Variants in SEC24C observed in about 807,000 individuals in gnomAD.
SEC24C encodes the protein SEC24 homolog C, COPII component.
Under a neutral mutation model 117.0 loss-of-function variants are expected in SEC24C, and 22 were observed. The ratio of observed to expected loss-of-function variants is 0.19; its 90% CI spans 0.13 to 0.27. The LOEUF (loss-of-function observed/expected upper bound fraction) is 0.27, where lower values mean the gene tolerates loss of function less well. Among genes scored for constraint, SEC24C ranks in the 10% least tolerant of loss-of-function variants. The pLI is 1.00. For missense variants in SEC24C, 1,155 were observed against 1,375.1 expected (o/e 0.84, Z 2.53); for synonymous variants, 506 against 529.4 (o/e 0.96, Z 0.61).
Position 73,746,845 on chromosome 10 carries a change from C to G in SEC24C, c.13C>G (p.Gln5Glu), listed in dbSNP as rs2082561137. 1 of 1,606,764 alleles carries G rather than the reference C, an allele frequency of 6.2e-7. No homozygotes were observed. Among genetic ancestry groups the G allele is most frequent in the Non-Finnish European group, 8.5e-7 (1 of 1,176,326 alleles). MNVN[Q>E]SVPPVPPFGQ... Reference sequence around the variant, plus strand: ...GAATGCTTTCATAATGAACGTCAACCAGTCAGTTCCACCTGTGCCACCATT... The same window carrying G: ...GAATGCTTTCATAATGAACGTCAACGAGTCAGTTCCACCTGTGCCACCATT... The change falls in exon 2 of 23, where the codon CAG becomes GAG. Residue 5 changes from glutamine to glutamate, a missense_variant. Physicochemically the swap from Gln to Glu is conservative, Grantham distance 29 (BLOSUM62 2). Around this residue, in one of 2 missense-constraint regions of SEC24C, gnomAD observed 396 missense variants for 382.8 expected, o/e 1.03. Transcript: ENST00000345254.
chr10:73,754,881 C>G (rs1317203085), intron 3 of SEC24C, among the ~76,000 whole-genome samples: 3 of 152,152 alleles, frequency 2.0e-5, no homozygotes, highest in African/African-American at 7.2e-5. Flanking sequence ...CTCCTGTAAT[C>G]CCAGCACTTT....
intron 15 of SEC24C, 121 bp downstream of exon 15, chr10:73,768,128 A>G (rs971401374): frequency 2.2e-6 from 2 of 906,456 alleles, no homozygotes; most frequent in Non-Finnish European, 3.2e-6. Context: ...TCACACCTGT[A>G]ATCCTAGCAC....
chr10:73,760,989 G>A, intron 6 of SEC24C, 140 bp downstream of exon 6: 1 of 1,034,854 alleles, frequency 9.7e-7, no homozygotes, highest in Non-Finnish European at 1.4e-6. Flanking sequence ...CATATAATTT[G>A]ATTCTGAACT....
At chr10:73,759,579 G>T (rs773676630) in intron 3 of SEC24C, 43 bp from the exon 4 acceptor site, 8 of 1,454,396 alleles carry the variant, frequency 5.5e-6, no homozygotes, top group Non-Finnish European at 6.4e-6. Flanking sequence ...TTCAAAGGGT[G>T]TCCTGGCCCC....
chr10:73,767,676 A>C (rs966290555), intron 14 of SEC24C, among the ~76,000 whole-genome samples, 161 bp from the exon 15 acceptor site: 1 of 152,222 alleles, frequency 6.6e-6, no homozygotes, highest in African/African-American at 2.4e-5. Context: ...TCAAAAAAAT[A>C]AAAATAATAT....
In SEC24C at chr10:73,769,403, G is replaced by A. The variant is rs2082938352; in HGVS notation, c.2481G>A (p.Leu827=). The A allele has an allele frequency of 1.2e-6, 2 of 1,614,136 alleles. No homozygotes were observed. ...AGCGTCGGCTCCGCATCCATAATCT[G>A]GCCCTGAACTGCTGCACCCAGCTGG... ...AGQRRLRIHN[L]ALNCCTQLAD... is the part of the protein sequence containing the mutation. Residue 827 remains leucine (L), a synonymous_variant, in exon 18 of 23, where the codon CTG becomes CTA. Transcript: ENST00000345254. This position sits in a 1 kb window ranked among gnomAD's most constrained non-coding sequence, Gnocchi z 4.5.
rs185501930 is a variant in SEC24C at position 73,770,049 on chromosome 10, C to T, written c.2862+34C>T. On this transcript the variant is annotated intron_variant, in intron 20 of 22. Transcript: ENST00000345254. ...GAGGGTTGGAGTATGAGATCTTGCA[C>T]GGAGCAAAGGGCCTCTTAGGAGGAG... 60 of 1,597,994 alleles carry T rather than the reference C, an allele frequency of 3.8e-5. No homozygotes were observed. The Admixed American group carries it at 4.3e-4, about 12-fold the overall frequency.
chr10:73,753,376 T>C (rs557898894), intron 3 of SEC24C, among the ~76,000 whole-genome samples: 3 of 152,182 alleles, frequency 2.0e-5, no homozygotes, highest in Non-Finnish European at 4.4e-5. Flanking sequence ...TTTTTAAAAA[T>C]AGTTTACACT....
At chr10:73,759,024 C>T (rs1310927281) in intron 3 of SEC24C, among the ~76,000 whole-genome samples, 3 of 152,120 alleles carry the variant, frequency 2.0e-5, no homozygotes, top group East Asian at 3.8e-4. Flanking sequence ...GGCGAGACTC[C>T]GTATCTATAA....
Position 73,771,023 on chromosome 10 carries a change from T to C in SEC24C, c.3213T>C (p.Ser1071=), listed in dbSNP as rs757292640. The part of the protein sequence containing the change: ...LFKHFLVEDK[S]LSGGASYVDF... ...AGCACTTCCTGGTGGAAGACAAGAGTCTGAGTGGGGGAGCATCTTATGTGG... is the reference window on the plus strand; with the variant it reads ...AGCACTTCCTGGTGGAAGACAAGAGCCTGAGTGGGGGAGCATCTTATGTGG... The change falls in exon 23 of 23, where the codon AGT becomes AGC. Residue 1071 remains serine (S), a synonymous_variant. Coordinates refer to ENST00000345254, the MANE Select transcript of SEC24C (RefSeq NM_198597.3). 1.9e-5 allele frequency: 30 copies of C among 1,613,682 alleles called. No individual in the cohort carries two copies. The highest frequency in any genetic ancestry group is 2.5e-5 in the Non-Finnish European group (29 of 1,179,976).
chr10:73,768,104 C>A, intron 15 of SEC24C, 97 bp downstream of exon 15: 1 of 1,203,312 alleles, frequency 8.3e-7, no homozygotes, highest in Non-Finnish European at 1.2e-6. Context: ...AGTGTTGGGG[C>A]CAGGCACGGT....
chr10:73,759,653 T>C lies in SEC24C; in HGVS notation c.340T>C (p.Leu114=), dbSNP rs778043687. Residue 114 remains leucine (L), a synonymous_variant, in exon 4 of 23, where the codon TTG becomes CTG. Transcript: ENST00000345254. ...TGGGTCTCAGCCATTTGGGTCCCCA[T>C]TGGCCCCTGTGGGCAACCAGCCACC... ...LPGSQPFGSP[L]APVGNQPPVL... is the part of the protein sequence containing the mutation. The C allele has an allele frequency of 1.3e-5, 20 of 1,566,316 alleles. No homozygotes were observed. In the South Asian group the frequency reaches 2.4e-4, roughly 19 times the overall value.
At chr10:73,768,062 A>T (rs2082913604) in intron 15 of SEC24C, 55 bp downstream of exon 15, 3 of 1,521,944 alleles carry the variant, frequency 2.0e-6, no homozygotes, top group Non-Finnish European at 2.7e-6. Flanking sequence ...ATATCTGCTT[A>T]TATATGCAGT....
chr10:73,746,115 G>A (rs1435601888), intron 1 of SEC24C, among the ~76,000 whole-genome samples: 1 of 143,700 alleles, frequency 7.0e-6, no homozygotes, highest in Non-Finnish European at 1.5e-5. Flanking sequence ...AGCCGAGATC[G>A]CGCCACTGCA....
chr10:73,764,263 G>A (rs60809795), intron 8 of SEC24C, among the ~76,000 whole-genome samples: 20,857 of 152,004 alleles, frequency 0.14, 1,500 homozygotes, highest in South Asian at 0.2. Flanking sequence ...AGTGGCTCAC[G>A]CCTGTAATCC....
Position 73,760,697 on chromosome 10 carries a change from T to A in SEC24C, c.851-16T>A. ...GATGGGATTTTGAGTTCATCAACCT[T>A]GTGTCCTTGTCTCAGGTTCCTTCGG... is the stretch of plus-strand genomic sequence containing the variant. On this transcript the variant is annotated splice_polypyrimidine_tract_variant and intron_variant, in intron 5 of 22. Transcript: ENST00000345254. 6.3e-7 allele frequency: 1 copy of A among 1,577,466 alleles called. No individual in the cohort carries two copies. The highest frequency in any genetic ancestry group is 1.2e-5 in the South Asian group (1 of 86,140).
At chr10:73,770,649 C>T in intron 21 of SEC24C, 60 bp from the exon 22 acceptor site, 1 of 1,569,316 alleles carries the variant, frequency 6.4e-7, no homozygotes, top group African/African-American at 1.3e-5. Flanking sequence ...ATGTATGCTG[C>T]CCCACCTTGA....
rs1353914904 is a variant in SEC24C, at chr10:73,769,595, A to G, written c.2564-20A>G. Reference sequence around the variant, plus strand: ...CATGATGGGCAGCTGACCAGTGACTATCTTTGCTTTCCCATCCAGCATATC... The same window carrying G: ...CATGATGGGCAGCTGACCAGTGACTGTCTTTGCTTTCCCATCCAGCATATC... On this transcript the variant is annotated intron_variant, in intron 18 of 22. Coordinates refer to ENST00000345254, the MANE Select transcript of SEC24C (RefSeq NM_198597.3). The surrounding 1 kb of genome is among the most constrained non-coding windows in gnomAD (Gnocchi z 4.5). 8.1e-6 allele frequency: 13 copies of G among 1,613,386 alleles called. No individual in the cohort carries two copies. Among genetic ancestry groups the G allele is most frequent in the African/African-American group, 5.3e-5 (4 of 74,886 alleles).
At chr10:73,763,202 A>G (rs1471843424) in intron 6 of SEC24C, among the ~76,000 whole-genome samples, 1 of 152,014 alleles carries the variant, frequency 6.6e-6, no homozygotes, top group Non-Finnish European at 1.5e-5. Flanking sequence ...GAGGAATGAG[A>G]GGGTGTTCAC....
Sources: allele counts gnomAD v4.1 joint callset (sites outside exome capture counted in the v4.1 genomes callset), GRCh38; gene constraint gnomAD v4.1.1; regional missense constraint gnomAD v4.1.1; non-coding constraint Gnocchi (gnomAD v3.1); transcripts MANE v1.5; gene names NCBI Gene and HGNC (gene_info 2026-07-23, HGNC 2026-07-21).